Variants in STXBP5L observed in about 807,000 individuals in gnomAD.
The protein encoded by STXBP5L is syntaxin binding protein 5L.
STXBP5L carries 65 observed loss-of-function variants against 144.5 expected under a neutral mutation model. The ratio of observed to expected loss-of-function variants is 0.45; its 90% confidence interval spans 0.37 to 0.55. The LOEUF is 0.55. STXBP5L is among the 20% of genes least tolerant of loss of function. The pLI, the probability that STXBP5L is intolerant of heterozygous loss-of-function variation, is 0.00. For missense variants in STXBP5L, 1,298 were observed against 1,405.5 expected, an observed-to-expected ratio of 0.92 and a Z score of 1.22; for synonymous variants, 505 against 469.6, an observed-to-expected ratio of 1.08 and a Z score of -0.97.
At chr3:121,218,761 G>A (rs1340760570) in intron 10 of STXBP5L, among the ~76,000 whole-genome samples, 2 of 152,162 alleles carry the variant, frequency 1.3e-5, no homozygotes, top group Non-Finnish European at 2.9e-5. Context: ...TTAAGGCAGT[G>A]TAAAGTAATA....
At chr3:121,221,260 G>A (rs2048965472) in intron 10 of STXBP5L, among the ~76,000 whole-genome samples, 1 of 151,856 alleles carries the variant, frequency 6.6e-6, no homozygotes, top group South Asian at 2.1e-4. Context: ...GTATTCTGAT[G>A]CAGAGTCGTA....
intron 3 of STXBP5L, among the ~76,000 whole-genome samples, chr3:120,974,604 T>C (rs1388432679): frequency 1.3e-5 from 2 of 152,252 alleles, no homozygotes; most frequent in South Asian, 2.1e-4. Context: ...GTTTTAGAGA[T>C]GAAGTCCTTG....
intron 3 of STXBP5L, among the ~76,000 whole-genome samples, chr3:120,956,569 T>C (rs929502512): frequency 6.6e-6 from 1 of 151,942 alleles, no homozygotes; most frequent in African/African-American, 2.4e-5. Context: ...TTGATATCTG[T>C]TCGTTAATTT....
rs376015319 is a variant in STXBP5L, at chr3:120,955,065, G to T, written c.287+28G>T. On this transcript the variant is annotated intron_variant, in intron 3 of 26. Coordinates refer to ENST00000471454, the MANE Select transcript of STXBP5L (RefSeq NM_001308330.2). ...ATCCTTAAATTTTGGTTCATTATCT[G>T]CCACAGTAATGCCAATTACATTTCT... is the stretch of plus-strand genomic sequence containing the variant. The T allele has an allele frequency of 6.8e-6, 10 of 1,475,592 alleles. No individual in the cohort carries two copies. In the African/African-American group the frequency reaches 1.3e-4, roughly 18 times the overall value. 91.4% of individuals were successfully genotyped at this position (1,475,592 alleles called of 1,614,324 possible).
At chr3:121,208,025 C>T (rs1241924204) in intron 10 of STXBP5L, among the ~76,000 whole-genome samples, 1 of 152,132 alleles carries the variant, frequency 6.6e-6, no homozygotes, top group Admixed American at 6.5e-5. Context: ...TATAAAGACA[C>T]ATGCACATGT....
chr3:121,354,694 T>C (rs893732467), intron 20 of STXBP5L, among the ~76,000 whole-genome samples: 3 of 151,964 alleles, frequency 2.0e-5, no homozygotes, highest in African/African-American at 7.2e-5. Flanking sequence ...CATTTACATT[T>C]AAGGTTAATA....
chr3:121,091,140 G>T (rs1254402639), intron 5 of STXBP5L, among the ~76,000 whole-genome samples: 1 of 148,298 alleles, frequency 6.7e-6, no homozygotes, highest in East Asian at 1.9e-4. Context: ...AGTATTCCAT[G>T]GTGTATATGT....
At chr3:120,984,253 C>G (rs1214317735) in intron 3 of STXBP5L, among the ~76,000 whole-genome samples, 2 of 152,150 alleles carry the variant, frequency 1.3e-5, no homozygotes, top group African/African-American at 2.4e-5. Context: ...GCTGATGGAG[C>G]CTAAAATGAC....
In STXBP5L at chr3:120,953,502, C is replaced by CTT. The variant is rs758605593; in HGVS notation, c.190-1423_190-1422dup. Among the ~76,000 whole-genome samples the CTT allele has an allele frequency of 3.3e-3, 431 of 132,098 alleles. 7 individuals are homozygous for CTT. The highest frequency in any genetic ancestry group is 0.012 in the Middle Eastern group (3 of 260). The allele number at this position is 132,098 out of a possible 152,430, so 86.7% of individuals were successfully genotyped here. ...CGCCATCATGCCTGGTGAATTTTTC[C>CTT]TTTTTTTTTTTTTTTTGTAGAGATG... On this transcript the variant is annotated intron_variant, in intron 2 of 26. Coordinates refer to ENST00000471454, the MANE Select transcript of STXBP5L (RefSeq NM_001308330.2).
intron 19 of STXBP5L, among the ~76,000 whole-genome samples, chr3:121,284,958 C>T (rs1346146695): frequency 6.6e-6 from 1 of 152,048 alleles, no homozygotes; most frequent in African/African-American, 2.4e-5. Context: ...GCATATCCTA[C>T]AATTGCTTTT....
At chr3:121,310,501 T>C (rs2043489460) in intron 19 of STXBP5L, among the ~76,000 whole-genome samples, 1 of 152,030 alleles carries the variant, frequency 6.6e-6, no homozygotes, top group East Asian at 1.9e-4. Flanking sequence ...TCCCAGCTAC[T>C]CTATTCCGAA....
chr3:121,079,846 T>C (rs1483739161), intron 5 of STXBP5L, among the ~76,000 whole-genome samples: 3 of 152,192 alleles, frequency 2.0e-5, no homozygotes, highest in Non-Finnish European at 4.4e-5. Context: ...CCATTTGTTC[T>C]AGGGTATAGT....
intron 5 of STXBP5L, among the ~76,000 whole-genome samples, chr3:121,053,932 A>G (rs988946471): frequency 1.3e-5 from 2 of 152,218 alleles, no homozygotes; most frequent in South Asian, 2.1e-4. Flanking sequence ...TGGGCAAAGG[A>G]TATGAACAGA....
intron 2 of STXBP5L, among the ~76,000 whole-genome samples, chr3:120,939,342 A>G (rs1471218375): frequency 1.3e-5 from 2 of 152,186 alleles, no homozygotes; most frequent in Non-Finnish European, 2.9e-5. Context: ...CAAATAAGCT[A>G]AGAAAGAAAG....
chr3:121,401,444 C>A (rs538770534), intron 22 of STXBP5L, among the ~76,000 whole-genome samples: 1 of 147,920 alleles, frequency 6.8e-6, no homozygotes, highest in Non-Finnish European at 1.5e-5. Context: ...CACATGCACA[C>A]GTATGTTTAT....
At chr3:120,958,794 T>C (rs1576487883) in intron 3 of STXBP5L, among the ~76,000 whole-genome samples, 1 of 152,124 alleles carries the variant, frequency 6.6e-6, no homozygotes, top group East Asian at 1.9e-4. Flanking sequence ...CCACAGCCAA[T>C]ATTATACTGA....
intron 9 of STXBP5L, 197 bp downstream of exon 9, chr3:121,157,824 C>T (rs1255678775): frequency 2.0e-5 from 13 of 640,276 alleles, no homozygotes; most frequent in Non-Finnish European, 2.6e-5. Flanking sequence ...CCTACCAACC[C>T]ACATCCCTGT....
At chr3:121,085,683 C>T (rs1180339181) in intron 5 of STXBP5L, among the ~76,000 whole-genome samples, 1 of 152,134 alleles carries the variant, frequency 6.6e-6, no homozygotes, top group Non-Finnish European at 1.5e-5. Flanking sequence ...AGGACACAAA[C>T]AAATGTAAAA....
chr3:120,979,280 G>T (rs1051720288), intron 3 of STXBP5L, among the ~76,000 whole-genome samples: 1 of 152,140 alleles, frequency 6.6e-6, no homozygotes, highest in African/African-American at 2.4e-5. Context: ...CCTCACTGCC[G>T]CCTTGCAGTT....
Sources: gnomAD v4.1 joint callset for allele counts (sites outside exome capture counted in the v4.1 genomes callset) on GRCh38, gnomAD v4.1.1 for gene constraint, MANE v1.5 for transcripts, NCBI Gene and HGNC (gene_info 2026-07-23, HGNC 2026-07-21) for gene names.